TRAK1: variants seen among roughly 807,000 people sequenced by gnomAD.
The protein encoded by TRAK1 is trafficking kinesin protein 1.
In TRAK1, 33 loss-of-function variants were observed where a neutral mutation model predicts 92.1. That is an observed-to-expected ratio of 0.36 (90% CI 0.27 to 0.48). The LOEUF (loss-of-function observed/expected upper bound fraction) is 0.48. Ranked by LOEUF, TRAK1 falls within the 20% of genes least tolerant of loss-of-function variation. The pLI is 0.99. For synonymous variants in TRAK1, 521 were observed against 517.3 expected (o/e 1.01, Z -0.10); for missense variants, 1,123 against 1,257.9 (o/e 0.89, Z 1.62).
chr3:42,034,821 C>G (rs1702267039), intron 1 of TRAK1, among the ~76,000 whole-genome samples: 1 of 150,832 alleles, frequency 6.6e-6, no homozygotes, highest in Non-Finnish European at 1.5e-5. Context: ...CCTCTTCCTA[C>G]CTGAGCTAGT....
chr3:42,032,428 A>G (rs921702943), intron 1 of TRAK1, among the ~76,000 whole-genome samples: 1 of 150,438 alleles, frequency 6.6e-6, no homozygotes, highest in African/African-American at 2.5e-5. Context: ...CTTGCCAAGT[A>G]CTGTGGGAAG....
intron 1 of TRAK1, among the ~76,000 whole-genome samples, chr3:42,015,638 G>A (rs762614596): frequency 1.3e-5 from 2 of 152,122 alleles, no homozygotes; most frequent in Admixed American, 6.5e-5. Context: ...CAACATGATT[G>A]GGTTTGTAAT....
chr3:42,130,317 G>A (rs1259227061), intron 2 of TRAK1, among the ~76,000 whole-genome samples: 16 of 120,538 alleles, frequency 1.3e-4, no homozygotes, highest in African/African-American at 4.5e-4. Flanking sequence ...ATTGATTGAG[G>A]GAAAAAAAAA....
At chr3:42,206,104 A>G (rs1708305969) in intron 13 of TRAK1, among the ~76,000 whole-genome samples, 1 of 152,230 alleles carries the variant, frequency 6.6e-6, no homozygotes. Flanking sequence ...TGGGCTCTGA[A>G]TAAGATGCAA....
At chr3:42,105,893 C>T (rs932999791) in intron 1 of TRAK1, among the ~76,000 whole-genome samples, 1 of 152,174 alleles carries the variant, frequency 6.6e-6, no homozygotes, top group Admixed American at 6.5e-5. Context: ...GAATTTTCAA[C>T]CCAGAATTTC....
intron 1 of TRAK1, chr3:42,051,407 G>GT (rs1702975950): frequency 6.6e-6 from 1 of 152,220 alleles, no homozygotes; most frequent in Non-Finnish European, 1.5e-5. Flanking sequence ...TTTCTATGGC[G>GT]TTTCCTTTGA....
At position 42,030,692 on chromosome 3, in the gene TRAK1, ATATATATATATATATATATATATATAT is replaced by A. The variant is rs1702103395; in HGVS notation, c.-519+16576_-519+16602del. Among the ~76,000 whole-genome samples, 12 of 9,590 alleles carry A rather than the reference ATATATATATATATATATATATATATAT, an allele frequency of 1.3e-3. 1 individual carries two copies. The highest frequency in any genetic ancestry group is 8.0e-3 in the South Asian group (3 of 376). 6.3% of individuals were successfully genotyped at this position (9,590 alleles called of 152,430 possible). ...CATCTCAAAAAAAAAAAAAAAGAAT[ATATATATATATATATATATATATATAT>A]ATATATATATATATATATATATGTA... On this transcript the variant is annotated intron_variant, in intron 1 of 16. Transcript: ENST00000487159.
intron 1 of TRAK1, among the ~76,000 whole-genome samples, chr3:42,096,473 C>G (rs1046004574): frequency 1.3e-5 from 2 of 152,158 alleles, no homozygotes; most frequent in Admixed American, 1.3e-4. Context: ...AGGCTGGTCT[C>G]GAACTCGTGT....
chr3:42,017,024 C>T (rs1701552751), intron 1 of TRAK1, among the ~76,000 whole-genome samples: 1 of 152,168 alleles, frequency 6.6e-6, no homozygotes, highest in Non-Finnish European at 1.5e-5. Context: ...CTTTGGGAGG[C>T]CAAGGCAGGT....
chr3:42,033,741 C>T (rs1245029604), intron 1 of TRAK1, among the ~76,000 whole-genome samples: 2 of 152,194 alleles, frequency 1.3e-5, no homozygotes, highest in African/African-American at 2.4e-5. Flanking sequence ...TTGTTGACAG[C>T]ATGTAAGATG....
chr3:42,036,781 C>T (rs967777395), intron 1 of TRAK1, among the ~76,000 whole-genome samples: 1 of 152,080 alleles, frequency 6.6e-6, no homozygotes, highest in Non-Finnish European at 1.5e-5. Context: ...GACAGGGTCT[C>T]GCTCTGTCAC....
In TRAK1 at chr3:42,016,779, TG is replaced by T. The variant is rs559016339; in HGVS notation, c.-519+2666del. Among the ~76,000 whole-genome samples, 12 of 152,290 alleles carry T rather than the reference TG, an allele frequency of 7.9e-5. No homozygotes were observed. The South Asian group carries it at 1.9e-3, about 24-fold the overall frequency. ...AAGGGACAGTTCTTTTTTTACCCTT[TG>T]GGGCTCAAGTAAGAAAGGCATTGGA... On this transcript the variant is annotated intron_variant, in intron 1 of 16. Coordinates refer to the TRAK1 transcript ENST00000487159.
chr3:42,039,726 G>C (rs1702463518), intron 1 of TRAK1, among the ~76,000 whole-genome samples: 1 of 152,170 alleles, frequency 6.6e-6, no homozygotes. Flanking sequence ...TTTTTGTGTG[G>C]ATGTATAACA....
At position 42,176,889 on chromosome 3, in the gene TRAK1, A is replaced by T. The variant is rs749888857; in HGVS notation, c.362A>T (p.Glu121Val). The change falls in exon 3 of 16, where the codon GAG (glutamate) becomes GTG (valine). Residue 121 changes from glutamate to valine, a missense_variant and splice_region_variant. Glu to Val is a moderately radical substitution (Grantham distance 121). Coordinates refer to ENST00000327628, the MANE Select transcript of TRAK1 (RefSeq NM_001042646.3). ...GATGCTGTCACTCGGCTTCTTGAGG[A>T]GGTAAGTGCTCCAGGGGAAGGCAAA... Reference protein sequence around the residue: ...DIDAVTRLLEEKERDLELAAR... With the variant: ...DIDAVTRLLEVKERDLELAAR... 3.1e-6 allele frequency: 5 copies of T among 1,613,906 alleles called. No homozygotes were observed. The Admixed American group carries it at 8.3e-5, about 27-fold the overall frequency.
chr3:42,149,904 G>T (rs142619199), intron 2 of TRAK1, among the ~76,000 whole-genome samples: 1 of 152,184 alleles, frequency 6.6e-6, no homozygotes, highest in Non-Finnish European at 1.5e-5. Flanking sequence ...GGTGTGAGAC[G>T]TGAGTGTGTT....
chr3:42,175,687 A>G (rs2371971), intron 2 of TRAK1, among the ~76,000 whole-genome samples: 61 of 152,224 alleles, frequency 4.0e-4, no homozygotes, highest in Admixed American at 1.2e-3. Context: ...TTAATAAAAT[A>G]TTCAGAGACC....
chr3:42,015,765 G>T (rs1369308975), intron 1 of TRAK1, among the ~76,000 whole-genome samples: 1 of 152,232 alleles, frequency 6.6e-6, no homozygotes, highest in South Asian at 2.1e-4. Context: ...GGCCGGGCAT[G>T]GTGACTTGTG....
At chr3:42,194,016 C>T in intron 9 of TRAK1, 118 bp downstream of exon 9, 3 of 972,966 alleles carry the variant, frequency 3.1e-6, no homozygotes, top group Non-Finnish European at 4.6e-6. Flanking sequence ...AATTTCATTT[C>T]ATTTTTATTC....
intron 1 of TRAK1, among the ~76,000 whole-genome samples, chr3:42,116,211 C>T (rs922352834): frequency 2.0e-5 from 3 of 152,240 alleles, no homozygotes; most frequent in Non-Finnish European, 4.4e-5. Flanking sequence ...GCACCCATCT[C>T]GAGTCTGCTG....
Sources: allele counts gnomAD v4.1 joint callset (sites outside exome capture counted in the v4.1 genomes callset), GRCh38; gene constraint gnomAD v4.1.1; transcripts MANE v1.5; gene names NCBI Gene and HGNC (gene_info 2026-07-23, HGNC 2026-07-21).